Variants in COG5 observed in about 807,000 individuals in gnomAD.
COG5 encodes the protein component of oligomeric golgi complex 5.
A neutral mutation model predicts 110.4 loss-of-function variants in COG5; 86 were observed. The ratio of observed to expected loss-of-function variants is 0.78; its 90% CI spans 0.65 to 0.93. The LOEUF is 0.93. COG5 is among the 40% of genes least tolerant of loss of function. The pLI is 0.00. For synonymous variants in COG5, 360 were observed against 334.6 expected (o/e 1.08, Z -0.83); for missense variants, 1,077 against 987.0 (o/e 1.09, Z -1.22).
chr7:107,330,969 C>T (rs115479138), intron 10 of COG5, among the ~76,000 whole-genome samples: 2,367 of 151,850 alleles, frequency 0.016, 68 homozygotes, highest in African/African-American at 0.052. Context: ...ACTACAGGTG[C>T]GTGCCACCAC....
intron 6 of COG5, among the ~76,000 whole-genome samples, chr7:107,512,566 C>T (rs1799604065): frequency 6.6e-6 from 1 of 151,992 alleles, no homozygotes; most frequent in African/African-American, 2.4e-5. Flanking sequence ...CATATGGAAC[C>T]AAAAAAGAGC....
chr7:107,537,603 G>C (rs190224367), intron 5 of COG5, among the ~76,000 whole-genome samples: 3 of 152,114 alleles, frequency 2.0e-5, no homozygotes, highest in Admixed American at 6.5e-5. Context: ...GGGGCCAAGG[G>C]GGAGGGATAG....
intron 5 of COG5, among the ~76,000 whole-genome samples, chr7:107,541,523 A>AAAAT (rs60423657): frequency 1.1e-3 from 65 of 56,984 alleles, no homozygotes; most frequent in African/African-American, 2.8e-3. Context: ...AAAAAAAAAA[A>AAAAT]ATATATATAT....
intron 8 of COG5, among the ~76,000 whole-genome samples, chr7:107,370,176 A>C (rs1258126855): frequency 6.6e-6 from 1 of 152,142 alleles, no homozygotes; most frequent in African/African-American, 2.4e-5. Context: ...CATCACACTC[A>C]TGAATGCGAC....
intron 14 of COG5, among the ~76,000 whole-genome samples, chr7:107,262,452 C>T (rs918730326): frequency 7.9e-5 from 12 of 152,160 alleles, no homozygotes; most frequent in African/African-American, 2.9e-4. Flanking sequence ...CATTAGTTTT[C>T]AGAGAGCAAG....
chr7:107,560,104 C>G (rs183438808), intron 1 of COG5, among the ~76,000 whole-genome samples: 1 of 152,316 alleles, frequency 6.6e-6, no homozygotes, highest in African/African-American at 2.4e-5. Context: ...CTTATTGGCT[C>G]TTGAGCACAG....
intron 5 of COG5, among the ~76,000 whole-genome samples, chr7:107,545,980 A>C (rs1053910115): frequency 6.6e-6 from 1 of 152,116 alleles, no homozygotes; most frequent in Admixed American, 6.5e-5. Flanking sequence ...ACCAGAAAAT[A>C]AGGCTTAACA....
intron 6 of COG5, among the ~76,000 whole-genome samples, chr7:107,415,650 G>A (rs540990104): frequency 1.2e-4 from 18 of 151,106 alleles, no homozygotes; most frequent in South Asian, 1.0e-3. Context: ...GAGCACAAAC[G>A]CATTTATTAC....
Position 107,230,650 on chromosome 7 carries a change from A to G in COG5, c.2133T>C (p.Asp711=). 6.2e-7 allele frequency: 1 copy of G among 1,613,568 alleles called. No individual in the cohort carries two copies. Among genetic ancestry groups the G allele is most frequent in the African/African-American group, 1.3e-5 (1 of 75,044 alleles). ...AVGPFCRRVS[D]LGKSYRMLRS... is the part of the protein sequence containing the mutation. ...TCAGCATCCGATAGGACTTTCCTAA[A>G]TCAGATACTCGTCTACAGAATGGAC... The change falls in exon 19 of 22, where the codon GAT becomes GAC. Residue 711 remains aspartate (D), a synonymous_variant. Coordinates refer to ENST00000297135, the MANE Select transcript of COG5 (RefSeq NM_006348.5).
chr7:107,411,777 T>C (rs1043983473), intron 7 of COG5, among the ~76,000 whole-genome samples: 4 of 152,142 alleles, frequency 2.6e-5, no homozygotes, highest in African/African-American at 9.6e-5. Flanking sequence ...CTGTCCAACA[T>C]AAATGCACAA....
chr7:107,209,076 G>A, intron 21 of COG5: 1 of 985,192 alleles, frequency 1.0e-6, no homozygotes, highest in Non-Finnish European at 1.2e-6. Flanking sequence ...GTGCACATGT[G>A]GTTTAGAACC....
intron 12 of COG5, among the ~76,000 whole-genome samples, chr7:107,297,339 A>G (rs1806837869): frequency 6.6e-6 from 1 of 151,584 alleles, no homozygotes; most frequent in Non-Finnish European, 1.5e-5. Flanking sequence ...TGATGTGCAT[A>G]GGTTATATGC....
At chr7:107,436,532 A>G (rs1288413381) in intron 6 of COG5, among the ~76,000 whole-genome samples, 2 of 152,190 alleles carry the variant, frequency 1.3e-5, no homozygotes, top group Non-Finnish European at 2.9e-5. Context: ...GGTGGTGGTG[A>G]TGGTTGCACA....
At chr7:107,426,155 T>C (rs1168984970) in intron 6 of COG5, among the ~76,000 whole-genome samples, 1 of 152,192 alleles carries the variant, frequency 6.6e-6, no homozygotes, top group Non-Finnish European at 1.5e-5. Context: ...ACATTTCTGT[T>C]ATTTAAGCCA....
At chr7:107,348,947 G>C (rs962414576) in intron 10 of COG5, among the ~76,000 whole-genome samples, 4 of 151,604 alleles carry the variant, frequency 2.6e-5, no homozygotes, top group African/African-American at 9.7e-5. Flanking sequence ...CTGCAGACTC[G>C]AACTCCTGGG....
In COG5 at chr7:107,315,398, C is replaced by T. The variant is rs544976976; in HGVS notation, c.1108+9042G>A. Among the ~76,000 whole-genome samples, 366 of 152,218 alleles carry T rather than the reference C, an allele frequency of 2.4e-3. 22 individuals carry two copies. The South Asian group carries it at 0.072, about 30-fold the overall frequency. On this transcript the variant is annotated intron_variant, in intron 11 of 21. Coordinates refer to ENST00000297135, the MANE Select transcript of COG5 (RefSeq NM_006348.5). ...ACAGATATATAACCATGTTAGCACT[C>T]TAACTTGTATGAACAACTTCTTTGA...
At chr7:107,309,857 CT>C (rs1808065965) in intron 11 of COG5, among the ~76,000 whole-genome samples, 1 of 152,122 alleles carries the variant, frequency 6.6e-6, no homozygotes, top group African/African-American at 2.4e-5. Context: ...AAAAGTCTAG[CT>C]TTTATCCCTG....
Position 107,211,224 on chromosome 7 carries a change from G to C in COG5, c.2170C>G (p.Pro724Ala). The change falls in exon 20 of 22, where the codon CCT (proline) becomes GCT (alanine). Residue 724 changes from proline (P) to alanine (A), a missense_variant and splice_region_variant. Coordinates refer to ENST00000297135, the MANE Select transcript of COG5 (RefSeq NM_006348.5). ...KSYRMLRSFRPLLFQASEHVA... is the reference protein window; with the variant it reads ...KSYRMLRSFRALLFQASEHVA... ...TGTTCACTTGCCTGGAAGAGCAGAG[G>C]TCTAGACGGGAAAAACAGAAGTTAT... The C allele has an allele frequency of 7.4e-6, 12 of 1,613,922 alleles. No individual in the cohort carries two copies. Among genetic ancestry groups the C allele is most frequent in the Non-Finnish European group, 1.0e-5 (12 of 1,179,888 alleles).
chr7:107,376,836 T>C (rs1017797009), intron 7 of COG5, among the ~76,000 whole-genome samples: 1 of 152,094 alleles, frequency 6.6e-6, no homozygotes, highest in Non-Finnish European at 1.5e-5. Context: ...TAATCATGAA[T>C]TGATTTTGAA....
Sources: allele counts gnomAD v4.1 joint callset (sites outside exome capture counted in the v4.1 genomes callset), GRCh38; gene constraint gnomAD v4.1.1; transcripts MANE v1.5; gene names NCBI Gene and HGNC (gene_info 2026-07-23, HGNC 2026-07-21).